Variants in CELF2 observed in about 807,000 individuals in gnomAD.
The protein encoded by CELF2 is CUGBP Elav-like family member 2, also known as CUG triplet repeat RNA-binding protein 2.
Under a neutral mutation model 62.6 loss-of-function variants are expected in CELF2, and 8 were observed. The ratio of observed to expected loss-of-function variants is 0.13; its 90% CI spans 0.07 to 0.23. The LOEUF is 0.23. Ranked by LOEUF, CELF2 falls within the 10% of genes least tolerant of loss-of-function variation. The probability of loss-of-function intolerance (pLI) is 1.00; values close to 1 mark genes in which losing one functional copy is unlikely to be tolerated. For missense variants in CELF2, 333 were observed against 671.0 expected (o/e 0.50, Z 5.56); for synonymous variants, 258 against 250.0 (o/e 1.03, Z -0.30).
chr10:11,163,858 G>A (rs1390844629), intron 1 of CELF2, among the ~76,000 whole-genome samples: 1 of 152,192 alleles, frequency 6.6e-6, no homozygotes, highest in Non-Finnish European at 1.5e-5. Flanking sequence ...TTAACCATGA[G>A]TATCTTGTTT....
the CELF2 span, among the ~76,000 whole-genome samples, chr10:10,632,611 C>T: frequency 6.6e-6 from 1 of 152,170 alleles, no homozygotes; most frequent in African/African-American, 2.4e-5. Flanking sequence ...ATTGTTAACA[C>T]ACTTAGGAAA....
intron 2 of CELF2, among the ~76,000 whole-genome samples, chr10:10,987,265 T>C (rs1423094143): frequency 1.3e-5 from 2 of 152,110 alleles, no homozygotes; most frequent in Non-Finnish European, 2.9e-5. Flanking sequence ...CTTTTTTTTT[T>C]TTTCATTTCT....
the CELF2 span, among the ~76,000 whole-genome samples, chr10:10,661,600 G>T: frequency 6.6e-6 from 1 of 152,184 alleles, no homozygotes; most frequent in Admixed American, 6.5e-5. Context: ...AACAAATGAG[G>T]TATATTCCTT....
intron 9 of CELF2, among the ~76,000 whole-genome samples, chr10:11,289,242 A>G (rs1360180961): frequency 1.3e-5 from 2 of 152,066 alleles, no homozygotes; most frequent in Non-Finnish European, 2.9e-5. Flanking sequence ...AGTTTTCCAG[A>G]CCTCAATAGA....
intron 2 of CELF2, among the ~76,000 whole-genome samples, chr10:10,980,235 C>G (rs979064564): frequency 6.6e-6 from 1 of 152,208 alleles, no homozygotes; most frequent in Admixed American, 6.5e-5. Context: ...TCTTCCGCAT[C>G]TCTGCTGGTG....
chr10:11,242,964 A>G lies in CELF2; in HGVS notation c.355-6189A>G, dbSNP rs2765979. ...GCAACTGGTGCTGGGTCAGAACCAAACCACTGCGTGCTGTCGTGGGTGCAG... is the reference window on the plus strand; with the variant it reads ...GCAACTGGTGCTGGGTCAGAACCAAGCCACTGCGTGCTGTCGTGGGTGCAG... On this transcript the variant is annotated intron_variant, in intron 3 of 12. Coordinates refer to ENST00000633077, the MANE Select transcript of CELF2 (RefSeq NM_001326342.2). This position sits in a 1 kb window ranked among gnomAD's most constrained non-coding sequence, Gnocchi z 4.8. 0.99 allele frequency among the ~76,000 whole-genome samples: 150,900 copies of G among 152,308 alleles called. 74,769 individuals are homozygous for G. The highest frequency in any genetic ancestry group is 1 in the Middle Eastern group (294 of 294).
Position 10,964,878 on chromosome 10 carries a change from C to T in CELF2, c.89+44879C>T, listed in dbSNP as rs112677822. Among the ~76,000 whole-genome samples, 19 of 152,002 alleles carry T rather than the reference C, an allele frequency of 1.2e-4. No homozygotes were observed. In the East Asian group the frequency reaches 2.9e-3, roughly 23 times the overall value. On this transcript the variant is annotated intron_variant, in intron 2 of 13. Transcript: ENST00000636488. ...TCCCACGATCTTACGGTGCCAGTTACGAATTAGCTATGAAGAGCTTTTTTC... is the reference window on the plus strand; with the variant it reads ...TCCCACGATCTTACGGTGCCAGTTATGAATTAGCTATGAAGAGCTTTTTTC...
intron 1 of CELF2, among the ~76,000 whole-genome samples, chr10:10,853,058 A>C (rs1353425394): frequency 6.6e-6 from 1 of 152,166 alleles, no homozygotes; most frequent in Non-Finnish European, 1.5e-5. Flanking sequence ...GGCTCACTAC[A>C]GCCTCCACCT....
intron 2 of CELF2, among the ~76,000 whole-genome samples, chr10:10,948,667 T>C (rs759981706): frequency 1.3e-5 from 2 of 152,134 alleles, no homozygotes; most frequent in Non-Finnish European, 2.9e-5. Flanking sequence ...TGCATGAAGC[T>C]CCATGGTTTC....
At chr10:11,076,941 T>C (rs2072167421) in intron 1 of CELF2, among the ~76,000 whole-genome samples, 1 of 152,204 alleles carries the variant, frequency 6.6e-6, no homozygotes, top group Non-Finnish European at 1.5e-5. Flanking sequence ...TATAGTAAAC[T>C]AGAGAGGTTA....
At chr10:11,271,013 C>T (rs994302392) in intron 7 of CELF2, among the ~76,000 whole-genome samples, 189 bp downstream of exon 7, 1 of 152,180 alleles carries the variant, frequency 6.6e-6, no homozygotes, top group African/African-American at 2.4e-5. Context: ...AATTGAATTC[C>T]TGCCTGATGT....
At chr10:11,281,888 A>G (rs1439430594) in intron 8 of CELF2, among the ~76,000 whole-genome samples, 1 of 152,202 alleles carries the variant, frequency 6.6e-6, no homozygotes, top group African/African-American at 2.4e-5. Flanking sequence ...GACCTCTGGC[A>G]TTCAGGCGAG....
the CELF2 span, among the ~76,000 whole-genome samples, chr10:10,630,408 C>G: frequency 6.6e-6 from 1 of 152,180 alleles, no homozygotes; most frequent in African/African-American, 2.4e-5. Flanking sequence ...AGAGATAATC[C>G]TTACACCCAC....
At chr10:10,647,327 C>A in the CELF2 span, among the ~76,000 whole-genome samples, 2 of 152,146 alleles carry the variant, frequency 1.3e-5, no homozygotes, top group Admixed American at 1.3e-4. Flanking sequence ...CACTGCCCGC[C>A]CGCTCCACAT....
rs750221495 is a variant in CELF2 at position 11,331,682 on chromosome 10, ATTGT to A, written c.*2635_*2638del. 12 of 152,134 alleles carry A rather than the reference ATTGT, an allele frequency of 7.9e-5. No homozygotes were observed. Among genetic ancestry groups the A allele is most frequent in the South Asian group, 2.1e-4 (1 of 4,820 alleles). 9.4% of individuals were successfully genotyped at this position (152,134 alleles called of 1,614,324 possible). A position where few individuals can be genotyped will look rare whatever the true frequency, so the allele number is the denominator to read the frequency against. ...TGTGGTCTTGTTGCCTGAAATTGTTATTGTTTGTTATTTCTCTCTGATGTTTTTT... is the reference window on the plus strand; with the variant it reads ...TGTGGTCTTGTTGCCTGAAATTGTTATTGTTATTTCTCTCTGATGTTTTTT... On this transcript the variant is annotated 3_prime_UTR_variant, in exon 13 of 13. Transcript: ENST00000633077.
chr10:11,205,788 G>A (rs76136268), intron 2 of CELF2, among the ~76,000 whole-genome samples: 2,009 of 152,258 alleles, frequency 0.013, 46 homozygotes, highest in African/African-American at 0.045. Context: ...TCTGATCTCC[G>A]TACACATGAA....
At position 10,972,793 on chromosome 10, in the gene CELF2, C is replaced by A. The variant is rs1269690713; in HGVS notation, c.89+52794C>A. ...TGATCTGTTCCTATTCTGAAATACACAATATCCATGAGTGGCCCTCAGAGA... is the reference window on the plus strand; with the variant it reads ...TGATCTGTTCCTATTCTGAAATACAAAATATCCATGAGTGGCCCTCAGAGA... On this transcript the variant is annotated intron_variant, in intron 2 of 13. Transcript: ENST00000636488. The surrounding 1 kb of genome is among the most constrained non-coding windows in gnomAD (Gnocchi z 4.4). 6.6e-6 allele frequency among the ~76,000 whole-genome samples: 1 copy of A among 152,152 alleles called. No homozygotes were observed. Among genetic ancestry groups the A allele is most frequent in the Non-Finnish European group, 1.5e-5 (1 of 68,040 alleles).
chr10:10,909,441 T>G (rs1046139742), intron 1 of CELF2, among the ~76,000 whole-genome samples: 1 of 152,232 alleles, frequency 6.6e-6, no homozygotes, highest in Admixed American at 6.5e-5. Context: ...CACTTCATTC[T>G]GGATGGAGTC....
At chr10:10,678,037 C>T in the CELF2 span, among the ~76,000 whole-genome samples, 1 of 152,138 alleles carries the variant, frequency 6.6e-6, no homozygotes, top group Non-Finnish European at 1.5e-5. Flanking sequence ...TCTGCCTGAG[C>T]AGACTACTGG....
Sources: allele counts gnomAD v4.1 joint callset (sites outside exome capture counted in the v4.1 genomes callset), GRCh38; gene constraint gnomAD v4.1.1; non-coding constraint Gnocchi (gnomAD v3.1); transcripts MANE v1.5; gene names NCBI Gene and HGNC (gene_info 2026-07-23, HGNC 2026-07-21).